The following MAPK4 variants were observed in gnomAD, a reference collection of about 807,000 sequenced individuals.
MAPK4 encodes the protein mitogen-activated protein kinase 4.
A neutral mutation model predicts 47.7 loss-of-function variants in MAPK4; 22 were observed. The ratio of observed to expected loss-of-function variants is 0.46; its 90% CI spans 0.33 to 0.66. The LOEUF (loss-of-function observed/expected upper bound fraction) is 0.66, where lower values mean the gene tolerates loss of function less well. MAPK4 is among the 30% of genes least tolerant of loss of function. MAPK4 has a pLI of 0.02. For missense variants in MAPK4, 736 were observed against 831.7 expected, an observed-to-expected ratio of 0.88 and a Z score of 1.42; for synonymous variants, 390 against 365.7, an observed-to-expected ratio of 1.07 and a Z score of -0.76.
intron 2 of MAPK4, among the ~76,000 whole-genome samples, chr18:50,665,803 A>G (rs1598886531): frequency 6.6e-6 from 1 of 151,640 alleles, no homozygotes; most frequent in Non-Finnish European, 1.5e-5. Flanking sequence ...CCTCTGCCCC[A>G]CTCCTGCAGC....
chr18:50,624,146 A>G (rs997698047), intron 1 of MAPK4, among the ~76,000 whole-genome samples: 1 of 152,174 alleles, frequency 6.6e-6, no homozygotes, highest in Non-Finnish European at 1.5e-5. Flanking sequence ...TGCAGTGTAA[A>G]TTCCACCAGA....
intron 1 of MAPK4, among the ~76,000 whole-genome samples, chr18:50,642,336 G>A (rs1471398778): frequency 6.6e-6 from 1 of 152,112 alleles, no homozygotes; most frequent in Non-Finnish European, 1.5e-5. Context: ...CCACCCCAGG[G>A]GATTTTAGGA....
rs967562220 is a variant in MAPK4, at chr18:50,692,396, C to T, written c.547-22683C>T. 2.0e-5 allele frequency among the ~76,000 whole-genome samples: 3 copies of T among 152,180 alleles called. No homozygotes were observed. The South Asian group carries it at 6.2e-4, about 31-fold the overall frequency. ...CAGAATTTCGACATTCAGGATCAAG[C>T]AGGGCCTCAGATTCACTGTTGAGAG... is the stretch of plus-strand genomic sequence containing the variant. On this transcript the variant is annotated intron_variant, in intron 2 of 5. Coordinates refer to ENST00000400384, the MANE Select transcript of MAPK4 (RefSeq NM_002747.4).
chr18:50,622,418 T>A (rs1452597131), intron 1 of MAPK4, among the ~76,000 whole-genome samples: 1 of 152,208 alleles, frequency 6.6e-6, no homozygotes, highest in Non-Finnish European at 1.5e-5. Flanking sequence ...TGCCCCTAGT[T>A]GGAGGCCCTT....
intron 1 of MAPK4, among the ~76,000 whole-genome samples, chr18:50,626,399 G>C (rs1598840443): frequency 1.3e-5 from 2 of 152,248 alleles, no homozygotes; most frequent in Non-Finnish European, 2.9e-5. Flanking sequence ...ACCAACCTTG[G>C]GGATGGCTTG....
chr18:50,599,159 C>T (rs2042512067), intron 1 of MAPK4, among the ~76,000 whole-genome samples: 1 of 152,066 alleles, frequency 6.6e-6, no homozygotes, highest in African/African-American at 2.4e-5. Context: ...AATATTTAGC[C>T]TCTCCATACA....
At chr18:50,635,463 T>C (rs145102630) in intron 1 of MAPK4, among the ~76,000 whole-genome samples, 44 of 152,304 alleles carry the variant, frequency 2.9e-4, no homozygotes, top group African/African-American at 9.1e-4. Context: ...CAAGATACTA[T>C]CATCAATCCC....
intron 1 of MAPK4, among the ~76,000 whole-genome samples, chr18:50,620,363 G>T (rs1332113989): frequency 6.6e-6 from 1 of 152,248 alleles, no homozygotes; most frequent in East Asian, 1.9e-4. Flanking sequence ...ACTTTCAGGA[G>T]CATATCATTA....
At chr18:50,662,140 A>G (rs140291785) in intron 1 of MAPK4, among the ~76,000 whole-genome samples, 24 of 152,354 alleles carry the variant, frequency 1.6e-4, no homozygotes, top group Admixed American at 7.8e-4. Context: ...GCCCTGCGAT[A>G]TGAGAATAAA....
chr18:50,596,301 G>A lies in MAPK4; in HGVS notation c.-871+36058G>A, dbSNP rs147836294. On this transcript the variant is annotated intron_variant, in intron 1 of 5. Transcript: ENST00000400384. Reference sequence around the variant, plus strand: ...TGATGCCAAAATCTGTGCTTCTTCCGCCTGTGCTATGTTATGCCTGGCCCC... The same window carrying A: ...TGATGCCAAAATCTGTGCTTCTTCCACCTGTGCTATGTTATGCCTGGCCCC... Among the ~76,000 whole-genome samples, 151 of 152,164 alleles carry A rather than the reference G, an allele frequency of 9.9e-4. No homozygotes were observed. In the Middle Eastern group the frequency reaches 0.01, roughly 10 times the overall value.
intron 1 of MAPK4, among the ~76,000 whole-genome samples, chr18:50,623,711 A>G (rs1380506591): frequency 1.3e-5 from 2 of 152,226 alleles, no homozygotes; most frequent in South Asian, 2.1e-4. Context: ...AAACGTGCAA[A>G]TCAGACTACA....
chr18:50,607,666 A>G (rs1190757698), intron 1 of MAPK4, among the ~76,000 whole-genome samples: 1 of 152,196 alleles, frequency 6.6e-6, no homozygotes. Context: ...ATCCTTAGGA[A>G]CCACTCTCAG....
chr18:50,712,908 A>G (rs962685338), intron 2 of MAPK4, among the ~76,000 whole-genome samples: 2 of 152,232 alleles, frequency 1.3e-5, no homozygotes, highest in Non-Finnish European at 2.9e-5. Flanking sequence ...CTAAAAATGA[A>G]CTTCTACAGA....
In MAPK4 at chr18:50,729,813, G is replaced by A. The variant is rs778627157; in HGVS notation, c.1723G>A (p.Asp575Asn). The A allele has an allele frequency of 6.2e-6, 10 of 1,612,116 alleles. No homozygotes were observed. Among genetic ancestry groups the A allele is most frequent in the Non-Finnish European group, 1.7e-6 (2 of 1,179,674 alleles). ...TGCGTGCATCCCCGAGCACCCTGGC[G>A]ACCTCGTGCAGACCGAGGCCTTCTC... ...NGACIPEHPG[D>N]LVQTEAFSKE... Residue 575 changes from aspartate to asparagine, a missense_variant, in exon 6 of 6, where the codon GAC (aspartate) becomes AAC (asparagine). Physicochemically the swap from Asp to Asn is conservative, Grantham distance 23 (BLOSUM62 1). Around this residue, in one of 3 missense-constraint regions of MAPK4, gnomAD observed 377 missense variants for 378.6 expected, o/e 1.00. Transcript: ENST00000400384.
chr18:50,595,232 A>T (rs1201766929), intron 1 of MAPK4, among the ~76,000 whole-genome samples: 2 of 152,258 alleles, frequency 1.3e-5, no homozygotes, highest in Non-Finnish European at 2.9e-5. Flanking sequence ...TGTCCATAAA[A>T]TGACTCATAT....
intron 1 of MAPK4, among the ~76,000 whole-genome samples, chr18:50,658,209 A>G (rs1375766713): frequency 2.0e-5 from 3 of 152,212 alleles, no homozygotes; most frequent in Admixed American, 6.5e-5. Context: ...GGTTGAACAA[A>G]GGCTGAAAAG....
intron 1 of MAPK4, among the ~76,000 whole-genome samples, chr18:50,592,681 T>C (rs1215154142): frequency 6.6e-6 from 1 of 152,244 alleles, no homozygotes; most frequent in East Asian, 1.9e-4. Context: ...AGTAAAAATG[T>C]ATTGACTGAT....
chr18:50,584,453 G>T (rs2042372549), intron 1 of MAPK4, among the ~76,000 whole-genome samples: 1 of 152,168 alleles, frequency 6.6e-6, no homozygotes, highest in South Asian at 2.1e-4. Flanking sequence ...AAAAACAACA[G>T]ATCCTCTTTT....
At chr18:50,724,427 G>A (rs1439092286) in intron 4 of MAPK4, among the ~76,000 whole-genome samples, 1 of 152,164 alleles carries the variant, frequency 6.6e-6, no homozygotes, top group Non-Finnish European at 1.5e-5. Flanking sequence ...TTGTCAAAAG[G>A]TCAAGTCATG....
Sources: gnomAD v4.1 joint callset for allele counts (sites outside exome capture counted in the v4.1 genomes callset) on GRCh38, gnomAD v4.1.1 for gene constraint, gnomAD v4.1.1 regional missense constraint, MANE v1.5 for transcripts, NCBI Gene and HGNC (gene_info 2026-07-23, HGNC 2026-07-21) for gene names.